Variants in ADAMTS17 observed in about 807,000 individuals in gnomAD.
The protein encoded by ADAMTS17 is ADAM metallopeptidase with thrombospondin type 1 motif 17.
A neutral mutation model predicts 141.5 loss-of-function variants in ADAMTS17; 113 were observed. That is an observed-to-expected ratio of 0.80 (90% CI 0.69 to 0.93). ADAMTS17 has a LOEUF of 0.93. Among genes scored for constraint, ADAMTS17 ranks in the 40% least tolerant of loss-of-function variants. The probability of loss-of-function intolerance (pLI) is 0.00; values close to 1 mark genes in which losing one functional copy is unlikely to be tolerated. For missense variants in ADAMTS17, 1,659 were observed against 1,517.9 expected (o/e 1.09, Z -1.54); for synonymous variants, 768 against 630.6 (o/e 1.22, Z -3.27).
chr15:100,010,084 C>T (rs114683407), intron 18 of ADAMTS17, among the ~76,000 whole-genome samples: 1 of 152,202 alleles, frequency 6.6e-6, no homozygotes, highest in Non-Finnish European at 1.5e-5. Context: ...AAGGGCAGTT[C>T]CCCGGCACAT....
At chr15:100,303,916 G>A (rs544796209) in intron 3 of ADAMTS17, among the ~76,000 whole-genome samples, 5 of 152,052 alleles carry the variant, frequency 3.3e-5, no homozygotes, top group South Asian at 2.1e-4. Flanking sequence ...TAGAGACGGC[G>A]TTTCGCCACG....
At chr15:100,251,728 ACT>A (rs1409338472) in intron 7 of ADAMTS17, among the ~76,000 whole-genome samples, 1 of 152,192 alleles carries the variant, frequency 6.6e-6, no homozygotes, top group East Asian at 1.9e-4. Flanking sequence ...ACAGAGCGAG[ACT>A]CTACCTCAAC....
At chr15:100,113,106 T>A (rs887417852) in intron 13 of ADAMTS17, among the ~76,000 whole-genome samples, 2 of 152,120 alleles carry the variant, frequency 1.3e-5, no homozygotes, top group African/African-American at 4.8e-5. Flanking sequence ...GGCCCCCTCA[T>A]CAGTCCCCGG....
At chr15:100,048,699 G>A (rs1371945193) in intron 18 of ADAMTS17, among the ~76,000 whole-genome samples, 158 bp downstream of exon 18, 1 of 149,226 alleles carries the variant, frequency 6.7e-6, no homozygotes, top group African/African-American at 2.5e-5. Context: ...TTAGTAGCTG[G>A]AAATTTGGTA....
intron 15 of ADAMTS17, among the ~76,000 whole-genome samples, chr15:100,090,019 C>G (rs2035356996): frequency 6.7e-6 from 1 of 149,758 alleles, no homozygotes; most frequent in African/African-American, 2.4e-5. Flanking sequence ...AAATAAAATT[C>G]AGAAATAAAT....
Position 100,012,789 on chromosome 15 carries a change from T to C in ADAMTS17, c.2592-15200A>G, listed in dbSNP as rs1214733118. On this transcript the variant is annotated intron_variant, in intron 18 of 21. Transcript: ENST00000268070. ...CCATGCTGTTTTGGTGACTACGGCC[T>C]TATAGTATAGTTTGAAATCAGGTAG... Among the ~76,000 whole-genome samples the C allele has an allele frequency of 2.6e-5, 4 of 152,236 alleles. No individual in the cohort carries two copies. In the East Asian group the frequency reaches 7.7e-4, roughly 29 times the overall value.
intron 14 of ADAMTS17, among the ~76,000 whole-genome samples, chr15:100,098,305 T>C (rs2035887417): frequency 6.6e-6 from 1 of 152,060 alleles, no homozygotes; most frequent in Admixed American, 6.5e-5. Context: ...GCTGCCTAGA[T>C]TCTCGGTGTG....
chr15:99,992,465 A>AAT lies in ADAMTS17; in HGVS notation c.2949+581_2949+582dup, dbSNP rs1198568194. On this transcript the variant is annotated intron_variant, in intron 20 of 21. Transcript: ENST00000268070. ...GTCCCCAGAAAACAGGAATCATTCA[A>AAT]ATATATCAGATGAATGAATAAAAGA... Among the ~76,000 whole-genome samples the AAT allele has an allele frequency of 1.7e-4, 26 of 152,322 alleles. 1 individual carries two copies. The East Asian group carries it at 3.9e-3, about 23-fold the overall frequency.
At chr15:100,018,027 C>T (rs1208211423) in intron 18 of ADAMTS17, among the ~76,000 whole-genome samples, 2 of 152,210 alleles carry the variant, frequency 1.3e-5, no homozygotes, top group Middle Eastern at 3.2e-3. Context: ...AGCTTTTCAT[C>T]TTCCTACACT....
chr15:99,991,146 G>A (rs913935104), intron 20 of ADAMTS17, among the ~76,000 whole-genome samples: 2 of 152,194 alleles, frequency 1.3e-5, no homozygotes, highest in Admixed American at 6.5e-5. Context: ...AAAAGCAATG[G>A]CAGCAAAAGC....
At chr15:99,991,548 T>C (rs542493593) in intron 20 of ADAMTS17, among the ~76,000 whole-genome samples, 33 of 152,132 alleles carry the variant, frequency 2.2e-4, no homozygotes, top group Non-Finnish European at 3.4e-4. Flanking sequence ...TGTGGAAAAA[T>C]AGGAATGCTT....
At chr15:100,314,841 G>A (rs1032330347) in intron 3 of ADAMTS17, among the ~76,000 whole-genome samples, 1 of 152,186 alleles carries the variant, frequency 6.6e-6, no homozygotes, top group Non-Finnish European at 1.5e-5. Flanking sequence ...ACTGCTCCCA[G>A]CTGGAGCCAG....
intron 6 of ADAMTS17, among the ~76,000 whole-genome samples, chr15:100,259,249 T>C (rs1356413217): frequency 6.6e-6 from 1 of 152,210 alleles, no homozygotes; most frequent in Non-Finnish European, 1.5e-5. Context: ...ATCAGCTCCA[T>C]TTACTTATGA....
rs545872255 is a variant in ADAMTS17, at chr15:100,044,674, CTCTTT to C, written c.2591+4178_2591+4182del. Among the ~76,000 whole-genome samples the C allele has an allele frequency of 7.2e-5, 11 of 152,316 alleles. No individual in the cohort carries two copies. In the East Asian group the frequency reaches 9.6e-4, roughly 13 times the overall value. ...CCAGTCAGTCTCCATTAATGGCCTTCTCTTTTGAGTATGGATCTGTTTCCCTATAT... is the reference window on the plus strand; with the variant it reads ...CCAGTCAGTCTCCATTAATGGCCTTCTGAGTATGGATCTGTTTCCCTATAT... On this transcript the variant is annotated intron_variant, in intron 18 of 21. Transcript: ENST00000268070.
chr15:99,981,935 A>T, intron 20 of ADAMTS17, among the ~76,000 whole-genome samples: 1 of 152,296 alleles, frequency 6.6e-6, no homozygotes, highest in East Asian at 1.9e-4. Flanking sequence ...CTCCTAAAGC[A>T]GAGTTTTGAT....
intron 7 of ADAMTS17, among the ~76,000 whole-genome samples, chr15:100,232,272 C>A (rs2042507521): frequency 6.6e-6 from 1 of 152,220 alleles, no homozygotes; most frequent in African/African-American, 2.4e-5. Flanking sequence ...GGCAGGACAC[C>A]TGCCTGCAGC....
At chr15:100,265,456 G>C (rs888464223) in intron 4 of ADAMTS17, among the ~76,000 whole-genome samples, 9 of 152,220 alleles carry the variant, frequency 5.9e-5, no homozygotes, top group African/African-American at 2.2e-4. Context: ...CGGCATCCCA[G>C]CAAGTGTTCA....
intron 4 of ADAMTS17, among the ~76,000 whole-genome samples, chr15:100,272,568 TTCTC>T (rs994013989): frequency 3.0e-5 from 3 of 98,740 alleles, no homozygotes; most frequent in African/African-American, 1.2e-4. Context: ...TTTATTAGCA[TTCTC>T]TCTGTCTCTC....
intron 18 of ADAMTS17, among the ~76,000 whole-genome samples, chr15:100,029,139 C>T (rs2029885573): frequency 6.6e-6 from 1 of 152,148 alleles, no homozygotes; most frequent in South Asian, 2.1e-4. Context: ...CTGAGTATGT[C>T]TCCCATCTTA....
Sources: gnomAD v4.1 joint callset for allele counts (sites outside exome capture counted in the v4.1 genomes callset) on GRCh38, gnomAD v4.1.1 for gene constraint, MANE v1.5 for transcripts, NCBI Gene and HGNC (gene_info 2026-07-23, HGNC 2026-07-21) for gene names.